Variants in PEX5 observed in about 807,000 individuals in gnomAD.
PEX5 encodes PTS1 receptor.
PEX5 carries 52 observed loss-of-function variants against 82.9 expected under a neutral mutation model. The observed-to-expected ratio is 0.63, with a 90% confidence interval of 0.50 to 0.79. The LOEUF (loss-of-function observed/expected upper bound fraction) is 0.79. Among genes scored for constraint, PEX5 ranks in the 30% least tolerant of loss-of-function variants. The probability of loss-of-function intolerance (pLI) is 0.00; values close to 1 mark genes in which losing one functional copy is unlikely to be tolerated. For synonymous variants in PEX5, 300 were observed against 318.8 expected (o/e 0.94, Z 0.63); for missense variants, 719 against 815.2 (o/e 0.88, Z 1.44).
At chr12:7,201,227 A>G (rs1211453360) in intron 6 of PEX5, among the ~76,000 whole-genome samples, 1 of 152,110 alleles carries the variant, frequency 6.6e-6, no homozygotes, top group Non-Finnish European at 1.5e-5. Context: ...GTATATACAC[A>G]CGTATACATA....
chr12:7,189,248 T>C (rs1255422700), upstream of PEX5: 2 of 152,136 alleles, frequency 1.3e-5, no homozygotes, highest in African/African-American at 4.8e-5. Flanking sequence ...CAGCCCCTGG[T>C]GTTAGGGCTT....
At position 7,197,463 on chromosome 12, in the gene PEX5, T is replaced by TATATGTCA. The variant is rs1942924716; in HGVS notation, c.449-1548_449-1547insATATGTCA. 9.9e-5 allele frequency among the ~76,000 whole-genome samples: 14 copies of TATATGTCA among 141,278 alleles called. No individual in the cohort carries two copies. In the South Asian group the frequency reaches 1.1e-3, roughly 11 times the overall value. The allele number at this position is 141,278 out of a possible 152,430, so 92.7% of individuals were successfully genotyped here. On this transcript the variant is annotated intron_variant, in intron 5 of 15. Transcript: ENST00000675855. ...AATTATGTTATATATAATGTAATAA[T>TATATGTCA]TATATATGTTATATATAATATAATA... is the stretch of plus-strand genomic sequence containing the variant.
chr12:7,212,689 C>G (rs994081871), downstream of PEX5: 3 of 152,144 alleles, frequency 2.0e-5, no homozygotes, highest in Admixed American at 2.0e-4. Flanking sequence ...CAATAGGGAA[C>G]TATCCCAATG....
intron 10 of PEX5, among the ~76,000 whole-genome samples, chr12:7,204,924 G>A (rs972550642): frequency 3.3e-5 from 5 of 152,022 alleles, no homozygotes; most frequent in Non-Finnish European, 5.9e-5. Context: ...TAGAAATGTG[G>A]AAAGGATAGT....
At chr12:7,197,483 A>G (rs7139047) in intron 5 of PEX5, among the ~76,000 whole-genome samples, 15,353 of 98,748 alleles carry the variant, frequency 0.16, 2,147 homozygotes, top group African/African-American at 0.18. Flanking sequence ...TATATATAAT[A>G]TAATAATTAT....
intron 5 of PEX5, among the ~76,000 whole-genome samples, chr12:7,195,251 C>T (rs1941873725): frequency 6.6e-6 from 1 of 152,150 alleles, no homozygotes; most frequent in Admixed American, 6.6e-5. Flanking sequence ...TATTTGGTGT[C>T]TAGGTTATTC....
rs1385720422 is a variant in PEX5, at chr12:7,190,403, C to G, written c.26C>G (p.Ala9Gly). Residue 9 changes from alanine to glycine, a missense_variant, in exon 2 of 16, where the codon GCC becomes GGC. Coordinates refer to ENST00000675855, the MANE Select transcript of PEX5 (RefSeq NM_001351132.2). ...ATGGCAATGCGGGAGCTGGTGGAGG[C>G]CGAATGCGGGGGTGCCAACCCGCTC... The part of the protein sequence containing the change: MAMRELVE[A>G]ECGGANPLMK... The G allele has an allele frequency of 1.2e-6, 2 of 1,614,208 alleles. No individual in the cohort carries two copies. Among genetic ancestry groups the G allele is most frequent in the Non-Finnish European group, 1.7e-6 (2 of 1,180,034 alleles).
Position 7,210,527 on chromosome 12 carries a change from G to A in PEX5, c.*304G>A. On this transcript the variant is annotated 3_prime_UTR_variant, in exon 16 of 16. Coordinates refer to ENST00000675855, the MANE Select transcript of PEX5 (RefSeq NM_001351132.2). Reference sequence around the variant, plus strand: ...TTTTGGGTAGGACCCCACGATTTAGGGTAACTGTTATCATCAGCTGCCATT... The same window carrying A: ...TTTTGGGTAGGACCCCACGATTTAGAGTAACTGTTATCATCAGCTGCCATT... 2.0e-6 allele frequency: 1 copy of A among 496,154 alleles called. No homozygotes were observed. 30.7% of individuals were successfully genotyped at this position (496,154 alleles called of 1,614,324 possible). A position where few individuals can be genotyped will look rare whatever the true frequency, so the allele number is the denominator to read the frequency against.
At position 7,190,317 on chromosome 12, in the gene PEX5, G is replaced by T. The variant is rs779417891; in HGVS notation, c.-16-45G>T. ...CGGGCAGAGTTGTGGATGTGAGAAG[G>T]GTCTGGCTTGGGTACCTCAGTTCCA... On this transcript the variant is annotated intron_variant, in intron 1 of 15. Coordinates refer to ENST00000675855, the MANE Select transcript of PEX5 (RefSeq NM_001351132.2). The T allele has an allele frequency of 3.1e-6, 5 of 1,607,626 alleles. No homozygotes were observed. In the South Asian group the frequency reaches 5.5e-5, roughly 18 times the overall value.
Position 7,197,363 on chromosome 12 carries a change from AATTATATATGT to A in PEX5, c.449-1647_449-1637del, listed in dbSNP as rs1424911601. Among the ~76,000 whole-genome samples, 71 of 76,080 alleles carry A rather than the reference AATTATATATGT, an allele frequency of 9.3e-4. 1 individual carries two copies. Among genetic ancestry groups the A allele is most frequent in the Admixed American group, 3.3e-3 (31 of 9,320 alleles). 49.9% of individuals were successfully genotyped at this position (76,080 alleles called of 152,430 possible). On this transcript the variant is annotated intron_variant, in intron 5 of 15. Coordinates refer to ENST00000675855, the MANE Select transcript of PEX5 (RefSeq NM_001351132.2). ...TTATATATGTCATATACAATGTAAT[AATTATATATGT>A]CATATACAATGTAATAATTATATAT...
rs1199150044 is a variant in PEX5, at chr12:7,209,090, T to C, written c.1480T>C (p.Leu494=). Residue 494 remains leucine, a synonymous_variant, in exon 14 of 16, where the codon TTG becomes CTG. Coordinates refer to ENST00000675855, the MANE Select transcript of PEX5 (RefSeq NM_001351132.2). ...CATTGACCCTGATGTGCAGTGTGGC[T>C]TGGGAGTCCTTTTCAACCTGAGTGG... ...TSIDPDVQCG[L]GVLFNLSGEY... 9 of 1,614,000 alleles carry C rather than the reference T, an allele frequency of 5.6e-6. No individual in the cohort carries two copies. In the South Asian group the frequency reaches 9.9e-5, roughly 18 times the overall value.
chr12:7,209,045 G>C lies in PEX5; in HGVS notation c.1435G>C (p.Val479Leu), dbSNP rs751226125. 8.7e-6 allele frequency: 14 copies of C among 1,614,018 alleles called. No homozygotes were observed. In the African/African-American group the frequency reaches 1.7e-4, roughly 20 times the overall value. ...AGTGAAAGAGCTCTTCCTGGCAGCT[G>C]TGCGGCTGGACCCTACCTCCATTGA... ...LEVKELFLAAVRLDPTSIDPD... is the reference protein window; with the variant it reads ...LEVKELFLAALRLDPTSIDPD... The change falls in exon 14 of 16, where the codon GTG (valine) becomes CTG (leucine). Residue 479 changes from valine to leucine, a missense_variant. Physicochemically the swap from Val to Leu is conservative, Grantham distance 32. Transcript: ENST00000675855.
rs1167552097 is a variant in PEX5, at chr12:7,197,365, T to TTA, written c.449-1640_449-1639dup. ...ATATATGTCATATACAATGTAATAA[T>TTA]TATATATGTCATATACAATGTAATA... On this transcript the variant is annotated intron_variant, in intron 5 of 15. Transcript: ENST00000675855. Among the ~76,000 whole-genome samples the TTA allele has an allele frequency of 6.1e-4, 38 of 62,034 alleles. No homozygotes were observed. The South Asian group carries it at 9.2e-3, about 15-fold the overall frequency. The allele number at this position is 62,034 out of a possible 152,430, so 40.7% of individuals were successfully genotyped here. A position where few individuals can be genotyped will look rare whatever the true frequency, so the allele number is the denominator to read the frequency against.
At position 7,196,033 on chromosome 12, in the gene PEX5, T is replaced by A. The variant is rs370644288; in HGVS notation, c.449-2978T>A. On this transcript the variant is annotated intron_variant, in intron 5 of 15. Transcript: ENST00000675855. The stretch of plus-strand genomic sequence containing the variant: ...TTCTTATTACATTATACATTATATA[T>A]TATATATATTATATATACATTTTAC... Among the ~76,000 whole-genome samples the A allele has an allele frequency of 4.8e-3, 689 of 144,298 alleles. 7 individuals are homozygous for A. Among genetic ancestry groups the A allele is most frequent in the African/African-American group, 0.016 (614 of 39,438 alleles). The allele number at this position is 144,298 out of a possible 152,430, so 94.7% of individuals were successfully genotyped here.
intron 5 of PEX5, among the ~76,000 whole-genome samples, chr12:7,195,003 T>C (rs1591670275): frequency 6.6e-6 from 1 of 152,316 alleles, no homozygotes; most frequent in African/African-American, 2.4e-5. Context: ...CTTAAGAAGG[T>C]TGAGTAACTA....
At chr12:7,215,916 A>AGGGC, downstream of PEX5, among the ~76,000 whole-genome samples, 1 of 152,168 alleles carries the variant, frequency 6.6e-6, no homozygotes, top group African/African-American at 2.4e-5. Flanking sequence ...GCCATTTTAC[A>AGGGC]AAGACGCGAT....
intron 8 of PEX5, 25 bp from the exon 9 acceptor site, chr12:7,202,587 T>A (rs1202925933): frequency 2.5e-6 from 4 of 1,600,406 alleles, no homozygotes; most frequent in Non-Finnish European, 3.4e-6. Flanking sequence ...GTGGTAGTGG[T>A]ACTGACCATC....
rs779473130 is a variant in PEX5, at chr12:7,197,122, AAT to A, written c.449-1884_449-1883del. Among the ~76,000 whole-genome samples, 31 of 6,766 alleles carry A rather than the reference AAT, an allele frequency of 4.6e-3. 10 individuals are homozygous for A. The South Asian group carries it at 0.049, about 11-fold the overall frequency. 4.4% of individuals were successfully genotyped at this position (6,766 alleles called of 152,430 possible). ...AATTATATATGTCATATAATGTAAT[AAT>A]ATATGTCATATATAATGTAATAATT... On this transcript the variant is annotated intron_variant, in intron 5 of 15. Transcript: ENST00000675855.
chr12:7,199,952 G>A (rs1429977590), intron 6 of PEX5, among the ~76,000 whole-genome samples: 4 of 121,178 alleles, frequency 3.3e-5, no homozygotes, highest in South Asian at 3.0e-4. Context: ...CCTCCTGGAC[G>A]GGGCGGCTGG....
Sources: gnomAD v4.1 joint callset for allele counts (sites outside exome capture counted in the v4.1 genomes callset) on GRCh38, gnomAD v4.1.1 for gene constraint, MANE v1.5 for transcripts, NCBI Gene and HGNC (gene_info 2026-07-23, HGNC 2026-07-21) for gene names.